The following FAAH2 variants were observed in gnomAD, a reference collection of about 807,000 sequenced individuals.
FAAH2 encodes the protein fatty-acid amide hydrolase 2.
A neutral mutation model predicts 36.9 loss-of-function variants in FAAH2; 60 were observed. That is an observed-to-expected ratio of 1.63 (90% CI 1.32 to 2.02). The LOEUF (loss-of-function observed/expected upper bound fraction) is 2.02, where lower values mean the gene tolerates loss of function less well. Among genes scored for constraint, FAAH2 ranks in the 30% most tolerant of loss-of-function variants. The pLI, the probability that FAAH2 is intolerant of heterozygous loss-of-function variation, is 0.00. For synonymous variants in FAAH2, 214 were observed against 143.8 expected (o/e 1.49, Z -3.49); for missense variants, 689 against 397.5 (o/e 1.73, Z -6.23).
At chrX:57,296,496 TG>T (rs2052164421) in intron 2 of FAAH2, among the ~76,000 whole-genome samples, 1 of 110,861 alleles carries the variant, frequency 9.0e-6, no homozygotes, top group African/African-American at 3.3e-5. Flanking sequence ...ACCACAAAGT[TG>T]GGGAAAAAAA....
the FAAH2 span, among the ~76,000 whole-genome samples, chrX:57,238,891 G>C: frequency 9.0e-6 from 1 of 111,570 alleles, no homozygotes; most frequent in Non-Finnish European, 1.9e-5. Context: ...TGCAGTGTTA[G>C]GTTTTCTGTT....
At chrX:57,148,667 C>A in the FAAH2 span, among the ~76,000 whole-genome samples, 4 of 111,780 alleles carry the variant, frequency 3.6e-5, no homozygotes, top group East Asian at 1.1e-3. Context: ...TGGGCTGAGA[C>A]AATGGGATTT....
chrX:57,361,376 G>T (rs917484847), intron 5 of FAAH2, among the ~76,000 whole-genome samples: 4 of 111,178 alleles, frequency 3.6e-5, no homozygotes, highest in African/African-American at 1.3e-4. Flanking sequence ...GGTGCAGCAT[G>T]AGGTTGTTTA....
At chrX:57,147,447 T>C in the FAAH2 span, among the ~76,000 whole-genome samples, 2 of 112,100 alleles carry the variant, frequency 1.8e-5, no homozygotes, top group Non-Finnish European at 3.8e-5. Context: ...TATTCTCTCT[T>C]CTTTTCTGGG....
chrX:57,351,480 AG>A (rs1035181722), intron 5 of FAAH2, among the ~76,000 whole-genome samples: 5 of 111,125 alleles, frequency 4.5e-5, no homozygotes, highest in Non-Finnish European at 7.6e-5. Flanking sequence ...GAAAAGAAAT[AG>A]CAAATATTAA....
chrX:57,265,067 C>T, the FAAH2 span, among the ~76,000 whole-genome samples: 1 of 111,384 alleles, frequency 9.0e-6, no homozygotes, highest in Non-Finnish European at 1.9e-5. Context: ...GAACATGTGA[C>T]CACAGGAAAC....
chrX:57,448,857 G>T, intron 10 of FAAH2, 139 bp downstream of exon 10: 2 of 561,906 alleles, frequency 3.6e-6, no homozygotes, highest in Non-Finnish European at 2.8e-6. Flanking sequence ...GAAAACTCCA[G>T]AAAACAGTTG....
intron 10 of FAAH2, among the ~76,000 whole-genome samples, chrX:57,485,876 A>T (rs1354811288): frequency 8.9e-6 from 1 of 111,770 alleles, no homozygotes; most frequent in Non-Finnish European, 1.9e-5. Flanking sequence ...TTCTTTGGCA[A>T]TGATAATCTT....
At chrX:57,303,214 T>G (rs1196835277) in intron 2 of FAAH2, among the ~76,000 whole-genome samples, 6 of 111,933 alleles carry the variant, frequency 5.4e-5, no homozygotes, top group Non-Finnish European at 1.1e-4. Flanking sequence ...AACCCTGTCT[T>G]GCATGAACAA....
intron 5 of FAAH2, among the ~76,000 whole-genome samples, chrX:57,354,373 A>G (rs760180355): frequency 4.9e-4 from 54 of 110,878 alleles, no homozygotes; most frequent in Non-Finnish European, 1.5e-4. Context: ...TGGGTGCTAA[A>G]AACGTTTTTT....
At chrX:57,439,714 C>A (rs1359018739) in intron 8 of FAAH2, among the ~76,000 whole-genome samples, 1 of 111,817 alleles carries the variant, frequency 8.9e-6, no homozygotes, top group Non-Finnish European at 1.9e-5. Flanking sequence ...AGGTTTTCTT[C>A]TAGGGTTTTT....
chrX:57,317,019 A>G (rs760761828), intron 3 of FAAH2, among the ~76,000 whole-genome samples: 2 of 112,085 alleles, frequency 1.8e-5, no homozygotes, highest in Non-Finnish European at 1.9e-5. Flanking sequence ...CAGAATCTAT[A>G]AGGAACTTAA....
At chrX:57,321,075 G>C (rs2053007899) in intron 3 of FAAH2, among the ~76,000 whole-genome samples, 1 of 110,217 alleles carries the variant, frequency 9.1e-6, no homozygotes, top group Admixed American at 9.7e-5. Flanking sequence ...AGGAGGCGGA[G>C]TTTGCAGTGA....
intron 10 of FAAH2, among the ~76,000 whole-genome samples, chrX:57,458,687 G>A (rs2056905274): frequency 9.0e-6 from 1 of 111,660 alleles, no homozygotes; most frequent in African/African-American, 3.3e-5. Flanking sequence ...TGGAGGGCGA[G>A]CAGAAGCAGT....
intron 5 of FAAH2, among the ~76,000 whole-genome samples, chrX:57,357,526 G>T (rs2054187919): frequency 9.0e-6 from 1 of 111,514 alleles, no homozygotes; most frequent in African/African-American, 3.3e-5. Flanking sequence ...GTGGGCAAAG[G>T]ATATGAATAG....
chrX:57,272,458 A>T, the FAAH2 span, among the ~76,000 whole-genome samples: 1 of 111,779 alleles, frequency 8.9e-6, no homozygotes, highest in Non-Finnish European at 1.9e-5. Context: ...TAATTGTCAG[A>T]TTCACCAAGG....
intron 3 of FAAH2, among the ~76,000 whole-genome samples, chrX:57,327,095 A>G (rs2053240730): frequency 9.2e-6 from 1 of 108,309 alleles, no homozygotes; most frequent in South Asian, 4.0e-4. Context: ...TCCTGCACTT[A>G]TGAAGCTTAG....
intron 7 of FAAH2, among the ~76,000 whole-genome samples, chrX:57,421,133 A>T (rs907491804): frequency 8.9e-6 from 1 of 112,012 alleles, no homozygotes; most frequent in Non-Finnish European, 1.9e-5. Context: ...ATGAGTGAAA[A>T]CTATTATCAA....
chrX:57,277,871 G>A, the FAAH2 span, among the ~76,000 whole-genome samples: 2 of 111,450 alleles, frequency 1.8e-5, no homozygotes, highest in South Asian at 3.9e-4. Flanking sequence ...TACAAGGGAG[G>A]TGAAGGACCT....
Sources: allele counts gnomAD v4.1 joint callset (sites outside exome capture counted in the v4.1 genomes callset), GRCh38; gene constraint gnomAD v4.1.1; transcripts MANE v1.5; gene names NCBI Gene and HGNC (gene_info 2026-07-23, HGNC 2026-07-21).